Variants in TAFA2 observed in about 807,000 individuals in gnomAD.
TAFA2 encodes TAFA chemokine like family member 2.
TAFA2 carries 7 observed loss-of-function variants against 18.8 expected under a neutral mutation model. That is an observed-to-expected ratio of 0.37 (90% CI 0.21 to 0.70). The LOEUF is 0.70. Among genes scored for constraint, TAFA2 ranks in the 30% least tolerant of loss-of-function variants. TAFA2 has a pLI of 0.53. For synonymous variants in TAFA2, 60 were observed against 54.2 expected, an observed-to-expected ratio of 1.11 and a Z score of -0.47; for missense variants, 122 against 158.1, an observed-to-expected ratio of 0.77 and a Z score of 1.23.
chr12:62,171,241 G>A (rs192306883), intron 1 of TAFA2, among the ~76,000 whole-genome samples: 1 of 152,046 alleles, frequency 6.6e-6, no homozygotes, highest in Admixed American at 6.6e-5. Context: ...TGAAGAAAAA[G>A]GATAAAAGAA....
At chr12:61,793,925 AAAGT>A (rs762193721) in intron 2 of TAFA2, among the ~76,000 whole-genome samples, 9 of 151,980 alleles carry the variant, frequency 5.9e-5, no homozygotes, top group Non-Finnish European at 1.0e-4. Flanking sequence ...TTTGAAAAAT[AAAGT>A]AATAACTGAA....
chr12:62,087,001 T>G (rs1868482679), intron 1 of TAFA2, among the ~76,000 whole-genome samples: 1 of 152,132 alleles, frequency 6.6e-6, no homozygotes, highest in Non-Finnish European at 1.5e-5. Context: ...GGATTAACCT[T>G]GAGGATTTTA....
At chr12:62,055,344 T>TA (rs943025875) in intron 1 of TAFA2, among the ~76,000 whole-genome samples, 2 of 152,166 alleles carry the variant, frequency 1.3e-5, no homozygotes, top group African/African-American at 4.8e-5. Flanking sequence ...TTCAGAATAC[T>TA]AAAAAAATAA....
chr12:61,911,415 G>C (rs112720725), intron 1 of TAFA2, among the ~76,000 whole-genome samples: 1,674 of 152,184 alleles, frequency 0.011, 35 homozygotes, highest in African/African-American at 0.038. Flanking sequence ...CACTTCCATG[G>C]AACATGAAGC....
chr12:62,003,004 T>C (rs1007872080), intron 1 of TAFA2, among the ~76,000 whole-genome samples: 3 of 152,116 alleles, frequency 2.0e-5, no homozygotes, highest in Admixed American at 6.6e-5. Flanking sequence ...TCAGATTAAA[T>C]TCTATTGCCA....
intron 1 of TAFA2, among the ~76,000 whole-genome samples, chr12:61,922,503 A>G (rs7975004): frequency 0.09 from 13,639 of 152,146 alleles, 797 homozygotes; most frequent in East Asian, 0.25. Flanking sequence ...GGGGTCGGGG[A>G]ACCCCCTCCC....
intron 2 of TAFA2, among the ~76,000 whole-genome samples, chr12:61,780,618 C>T (rs190115875): frequency 3.7e-4 from 56 of 151,620 alleles, no homozygotes; most frequent in Non-Finnish European, 6.9e-4. Flanking sequence ...AAGACAGGGC[C>T]CTGTTGCTGT....
intron 1 of TAFA2, among the ~76,000 whole-genome samples, chr12:62,123,947 T>C (rs147049446): frequency 2.0e-5 from 3 of 152,242 alleles, no homozygotes; most frequent in East Asian, 1.9e-4. Context: ...ACAGAACTTA[T>C]TCATCAAATA....
chr12:62,044,847 G>A (rs1440204254), intron 1 of TAFA2, among the ~76,000 whole-genome samples: 1 of 152,142 alleles, frequency 6.6e-6, no homozygotes, highest in African/African-American at 2.4e-5. Flanking sequence ...TCAATCTCCT[G>A]CAAGCTTCTA....
In TAFA2 at chr12:62,084,065, G is replaced by A. The variant is rs140961363; in HGVS notation, c.-2+107194C>T. 2.0e-3 allele frequency among the ~76,000 whole-genome samples: 307 copies of A among 152,230 alleles called. 1 individual carries two copies. Among genetic ancestry groups the A allele is most frequent in the African/African-American group, 6.9e-3 (285 of 41,554 alleles). On this transcript the variant is annotated intron_variant, in intron 1 of 4. Transcript: ENST00000416284. ...TTTATGGTTTAAGTATGAGTACACA[G>A]TACATTTTCAAAAAAGCCAACCTTT...
chr12:61,997,795 GT>G (rs1187248020), intron 1 of TAFA2, among the ~76,000 whole-genome samples: 1 of 151,674 alleles, frequency 6.6e-6, no homozygotes, highest in Non-Finnish European at 1.5e-5. Context: ...CTTAAGCATT[GT>G]TTTTTGGATT....
At chr12:61,995,138 C>G (rs972581594) in intron 1 of TAFA2, among the ~76,000 whole-genome samples, 4 of 152,200 alleles carry the variant, frequency 2.6e-5, no homozygotes, top group African/African-American at 9.7e-5. Flanking sequence ...ATAATGTTCT[C>G]CAAGGCTACA....
chr12:61,832,743 C>T (rs1872764922), intron 2 of TAFA2, among the ~76,000 whole-genome samples: 1 of 151,936 alleles, frequency 6.6e-6, no homozygotes, highest in African/African-American at 2.4e-5. Flanking sequence ...ACATTCATGA[C>T]ATAGGACTTA....
intron 2 of TAFA2, among the ~76,000 whole-genome samples, chr12:61,815,452 G>A (rs906306261): frequency 6.6e-6 from 1 of 151,180 alleles, no homozygotes; most frequent in Admixed American, 6.6e-5. Context: ...GGATCACGAG[G>A]TCAGGTGATC....
At chr12:62,000,178 T>TTTGTGGTATATTCATATG (rs1555182665) in intron 1 of TAFA2, among the ~76,000 whole-genome samples, 2 of 147,852 alleles carry the variant, frequency 1.4e-5, no homozygotes, top group Admixed American at 7.1e-5. Flanking sequence ...ATGTGGCTGT[T>TTTGTGGTATATTCATATG]ATTAGTTTAA....
In TAFA2 at chr12:62,180,319, G is replaced by A. The variant is rs562503377; in HGVS notation, c.-2+10940C>T. Among the ~76,000 whole-genome samples, 27 of 152,284 alleles carry A rather than the reference G, an allele frequency of 1.8e-4. No individual in the cohort carries two copies. In the South Asian group the frequency reaches 5.4e-3, roughly 30 times the overall value. On this transcript the variant is annotated intron_variant, in intron 1 of 4. Coordinates refer to ENST00000416284, the MANE Select transcript of TAFA2 (RefSeq NM_178539.5). ...TTAGAGCTTAGTTACACAAGTCTGAGTGTTTTGGGACAATACAAGGAAAAA... is the reference window on the plus strand; with the variant it reads ...TTAGAGCTTAGTTACACAAGTCTGAATGTTTTGGGACAATACAAGGAAAAA...
At chr12:61,765,778 A>C (rs1220789141) in intron 2 of TAFA2, among the ~76,000 whole-genome samples, 1 of 152,098 alleles carries the variant, frequency 6.6e-6, no homozygotes, top group Non-Finnish European at 1.5e-5. Context: ...TGTAATGCAG[A>C]TATCTAAGAG....
chr12:61,795,901 C>T (rs904205566), intron 2 of TAFA2, among the ~76,000 whole-genome samples: 1 of 150,642 alleles, frequency 6.6e-6, no homozygotes, highest in African/African-American at 2.4e-5. Flanking sequence ...TAAATAGATC[C>T]ACACATATAT....
chr12:62,095,112 C>T (rs909028325), intron 1 of TAFA2, among the ~76,000 whole-genome samples: 1 of 152,024 alleles, frequency 6.6e-6, no homozygotes, highest in Non-Finnish European at 1.5e-5. Context: ...AAGTGTCCTT[C>T]GTAGGACACT....
Sources: allele counts gnomAD v4.1 joint callset (sites outside exome capture counted in the v4.1 genomes callset), GRCh38; gene constraint gnomAD v4.1.1; transcripts MANE v1.5; gene names NCBI Gene and HGNC (gene_info 2026-07-23, HGNC 2026-07-21).